KLF12: variants seen among roughly 807,000 people sequenced by gnomAD.
KLF12 encodes Krueppel-like factor 12.
Under a neutral mutation model 37.8 loss-of-function variants are expected in KLF12, and 9 were observed. The observed-to-expected ratio is 0.24, with a 90% CI of 0.14 to 0.42. The LOEUF (loss-of-function observed/expected upper bound fraction) is 0.42, where lower values mean the gene tolerates loss of function less well. KLF12 is among the 10% of genes least tolerant of loss of function. The probability of loss-of-function intolerance (pLI) is 1.00; values close to 1 mark genes in which losing one functional copy is unlikely to be tolerated. For missense variants in KLF12, 411 were observed against 516.0 expected, an observed-to-expected ratio of 0.80 and a Z score of 1.97; for synonymous variants, 208 against 202.1, an observed-to-expected ratio of 1.03 and a Z score of -0.25.
At chr13:74,275,818 CTTTCTTTCTT>C in the KLF12 span, among the ~76,000 whole-genome samples, 1 of 102,996 alleles carries the variant, frequency 9.7e-6, no homozygotes, top group Non-Finnish European at 2.0e-5. Flanking sequence ...TTCTTTCTTT[CTTTCTTTCTT>C]TCTTTCTTTC....
At chr13:74,088,154 A>T (rs1452328539) in intron 1 of KLF12, among the ~76,000 whole-genome samples, 2 of 152,176 alleles carry the variant, frequency 1.3e-5, no homozygotes, top group African/African-American at 4.8e-5. Context: ...CCAAAGACAA[A>T]GCAATTCTTA....
chr13:74,011,054 C>G (rs893457196), intron 1 of KLF12, among the ~76,000 whole-genome samples: 6 of 152,100 alleles, frequency 3.9e-5, no homozygotes, highest in Non-Finnish European at 5.9e-5. Context: ...TTTATTGCCT[C>G]TTTAATATCA....
chr13:74,227,888 T>A, the KLF12 span, among the ~76,000 whole-genome samples: 1 of 152,192 alleles, frequency 6.6e-6, no homozygotes, highest in Non-Finnish European at 1.5e-5. Context: ...GATAATATAA[T>A]TTTTTAAGAA....
At chr13:73,801,393 T>G (rs939683270) in intron 5 of KLF12, 1 of 152,102 alleles carries the variant, frequency 6.6e-6, no homozygotes, top group African/African-American at 2.4e-5. Flanking sequence ...TTCTATCATG[T>G]GTACTCTCAC....
intron 1 of KLF12, among the ~76,000 whole-genome samples, chr13:74,080,869 G>A (rs1390168586): frequency 6.6e-6 from 1 of 152,138 alleles, no homozygotes; most frequent in Non-Finnish European, 1.5e-5. Flanking sequence ...TACTGATGAG[G>A]AAAGAGACAA....
At chr13:73,979,938 A>G (rs1891648249) in intron 2 of KLF12, among the ~76,000 whole-genome samples, 1 of 152,158 alleles carries the variant, frequency 6.6e-6, no homozygotes, top group Non-Finnish European at 1.5e-5. Context: ...AAAGACACAC[A>G]GAAAAAAAAG....
chr13:74,294,962 G>A, the KLF12 span, among the ~76,000 whole-genome samples: 1 of 152,150 alleles, frequency 6.6e-6, no homozygotes, highest in African/African-American at 2.4e-5. Flanking sequence ...AAAGGCCCCT[G>A]CTGGCTCCCC....
At chr13:73,988,532 A>C (rs9600211) in intron 2 of KLF12, among the ~76,000 whole-genome samples, 2,046 of 152,350 alleles carry the variant, frequency 0.013, 37 homozygotes, top group East Asian at 0.064. Context: ...AGTTGCCAAC[A>C]TTCTGTAAGT....
intron 5 of KLF12, among the ~76,000 whole-genome samples, chr13:73,779,350 A>G (rs960274298): frequency 6.6e-6 from 1 of 152,182 alleles, no homozygotes; most frequent in Non-Finnish European, 1.5e-5. Context: ...GAGTGAGCAC[A>G]ATCACCAGTG....
intron 4 of KLF12, among the ~76,000 whole-genome samples, chr13:73,818,192 C>T (rs1204749208): frequency 2.0e-5 from 3 of 152,238 alleles, no homozygotes; most frequent in African/African-American, 7.2e-5. Context: ...GTCACCTAGG[C>T]TGGAGCGCAA....
chr13:74,088,099 G>A (rs1477358355), intron 1 of KLF12, among the ~76,000 whole-genome samples: 2 of 152,016 alleles, frequency 1.3e-5, no homozygotes, highest in Non-Finnish European at 2.9e-5. Context: ...TCAGCATCAT[G>A]GGGCACAAAG....
intron 3 of KLF12, among the ~76,000 whole-genome samples, chr13:73,869,672 T>C (rs1355169014): frequency 6.6e-6 from 1 of 152,048 alleles, no homozygotes; most frequent in African/African-American, 2.4e-5. Context: ...ACTCAGCATA[T>C]AACATAGTTC....
At chr13:74,236,021 T>C in the KLF12 span, among the ~76,000 whole-genome samples, 1 of 150,350 alleles carries the variant, frequency 6.7e-6, no homozygotes, top group South Asian at 2.1e-4. Flanking sequence ...TGTATACATG[T>C]GCCATGCTGG....
At chr13:74,275,874 CTTTCTTCTTTCT>C in the KLF12 span, among the ~76,000 whole-genome samples, 72 of 84,514 alleles carry the variant, frequency 8.5e-4, no homozygotes, top group African/African-American at 2.7e-3. Context: ...TTCTATCTTT[CTTTCTTCTTTCT>C]TTCTTTCTTT....
chr13:74,187,929 T>C, the KLF12 span, among the ~76,000 whole-genome samples: 2 of 152,212 alleles, frequency 1.3e-5, no homozygotes, highest in Non-Finnish European at 2.9e-5. Context: ...AATAGTTATT[T>C]AACATTGTTC....
the KLF12 span, among the ~76,000 whole-genome samples, chr13:74,287,349 TGAGAGAGAGAGAGAGAGAGAGA>T: frequency 5.6e-5 from 4 of 71,866 alleles, no homozygotes; most frequent in African/African-American, 1.8e-4. Context: ...CTATCAAAGT[TGAGAGAGAGAGAGAGAGAGAGA>T]GAGAGAGAGA....
intron 1 of KLF12, among the ~76,000 whole-genome samples, chr13:74,075,064 G>T (rs1874489554): frequency 6.6e-6 from 1 of 152,130 alleles, no homozygotes; most frequent in Non-Finnish European, 1.5e-5. Context: ...AACAGTGCTG[G>T]AACAGACAGT....
At chr13:74,113,578 A>G (rs927926538) in intron 1 of KLF12, among the ~76,000 whole-genome samples, 2 of 152,198 alleles carry the variant, frequency 1.3e-5, no homozygotes, top group Non-Finnish European at 2.9e-5. Flanking sequence ...CAAACTTACT[A>G]TTGAGATGTA....
chr13:74,111,245 C>T (rs1221348699), intron 1 of KLF12, among the ~76,000 whole-genome samples: 1 of 151,312 alleles, frequency 6.6e-6, no homozygotes, highest in Non-Finnish European at 1.5e-5. Flanking sequence ...TTCACTTGAA[C>T]TTGATGTACT....
Sources: gnomAD v4.1 joint callset for allele counts (sites outside exome capture counted in the v4.1 genomes callset) on GRCh38, gnomAD v4.1.1 for gene constraint, MANE v1.5 for transcripts, NCBI Gene and HGNC (gene_info 2026-07-23, HGNC 2026-07-21) for gene names.